KCNJ3: variants seen among roughly 807,000 people sequenced by gnomAD.
KCNJ3 encodes potassium inwardly rectifying channel subfamily J member 3.
A neutral mutation model predicts 39.2 loss-of-function variants in KCNJ3; 4 were observed. The observed-to-expected ratio is 0.10, with a 90% CI of 0.05 to 0.23. The LOEUF is 0.23. Ranked by LOEUF, KCNJ3 falls within the 10% of genes least tolerant of loss-of-function variation. KCNJ3 has a pLI of 1.00. For missense variants in KCNJ3, 276 were observed against 634.9 expected, an observed-to-expected ratio of 0.43 and a Z score of 6.08; for synonymous variants, 230 against 237.4, an observed-to-expected ratio of 0.97 and a Z score of 0.29.
At chr2:154,714,554 T>C (rs1685152376) in intron 2 of KCNJ3, among the ~76,000 whole-genome samples, 1 of 152,200 alleles carries the variant, frequency 6.6e-6, no homozygotes, top group African/African-American at 2.4e-5. Context: ...TATGGTCTTC[T>C]ATTTGTTATT....
chr2:154,830,638 T>C (rs1444400641), intron 2 of KCNJ3, among the ~76,000 whole-genome samples: 3 of 152,138 alleles, frequency 2.0e-5, no homozygotes, highest in Non-Finnish European at 4.4e-5. Context: ...ATATAGAAAC[T>C]TGAGACTTGA....
intron 2 of KCNJ3, among the ~76,000 whole-genome samples, chr2:154,732,587 G>C (rs1356803052): frequency 6.6e-6 from 1 of 151,894 alleles, no homozygotes; most frequent in East Asian, 1.9e-4. Context: ...TCTGCTGATA[G>C]GTAATGCTAG....
chr2:154,717,821 T>A (rs1236913904), intron 2 of KCNJ3, among the ~76,000 whole-genome samples: 1 of 152,190 alleles, frequency 6.6e-6, no homozygotes, highest in East Asian at 1.9e-4. Flanking sequence ...TTTAGCTTTA[T>A]TAATTATAAT....
intron 2 of KCNJ3, among the ~76,000 whole-genome samples, chr2:154,725,176 G>C (rs1189912234): frequency 6.0e-5 from 9 of 150,296 alleles, no homozygotes; most frequent in Non-Finnish European, 1.2e-4. Flanking sequence ...ATTGTTACTG[G>C]TTTTGATCAC....
At chr2:154,782,346 T>G (rs182080213) in intron 2 of KCNJ3, among the ~76,000 whole-genome samples, 1 of 152,292 alleles carries the variant, frequency 6.6e-6, no homozygotes, top group Non-Finnish European at 1.5e-5. Flanking sequence ...TTAAATGAGT[T>G]AATACATTTA....
chr2:154,783,300 T>C (rs957472860), intron 2 of KCNJ3, among the ~76,000 whole-genome samples: 57 of 152,360 alleles, frequency 3.7e-4, no homozygotes, highest in African/African-American at 1.3e-3. Context: ...TATGTGCTTC[T>C]TCCGTGCATT....
At chr2:154,852,950 C>T (rs911862380) in intron 2 of KCNJ3, among the ~76,000 whole-genome samples, 3 of 151,556 alleles carry the variant, frequency 2.0e-5, no homozygotes, top group South Asian at 2.1e-4. Flanking sequence ...AGAGACATTA[C>T]GGCAAAGTAA....
intron 2 of KCNJ3, among the ~76,000 whole-genome samples, chr2:154,838,102 G>A (rs1444868595): frequency 2.6e-5 from 4 of 152,176 alleles, no homozygotes; most frequent in South Asian, 2.1e-4. Flanking sequence ...GCATGTTTGT[G>A]TGTGTGACAA....
intron 1 of KCNJ3, among the ~76,000 whole-genome samples, chr2:154,707,096 T>C (rs1331867057): frequency 6.6e-6 from 1 of 152,128 alleles, no homozygotes. Context: ...GGTTAAATTA[T>C]ATAGTATCCA....
At chr2:154,807,563 G>A (rs1349174064) in intron 2 of KCNJ3, among the ~76,000 whole-genome samples, 4 of 152,146 alleles carry the variant, frequency 2.6e-5, no homozygotes, top group Non-Finnish European at 5.9e-5. Context: ...CTACCAGGTG[G>A]CATTTATCTA....
intron 2 of KCNJ3, among the ~76,000 whole-genome samples, chr2:154,723,706 G>T (rs565301626): frequency 3.9e-5 from 6 of 152,180 alleles, no homozygotes; most frequent in African/African-American, 1.4e-4. Flanking sequence ...CATTAATGGG[G>T]TAAGTACATT....
chr2:154,772,266 A>G (rs538029458), intron 2 of KCNJ3, among the ~76,000 whole-genome samples: 3 of 152,300 alleles, frequency 2.0e-5, no homozygotes, highest in African/African-American at 7.2e-5. Flanking sequence ...TATTTTACAT[A>G]GTGAATATTG....
chr2:154,840,577 A>G (rs62170840), intron 2 of KCNJ3, among the ~76,000 whole-genome samples: 46 of 152,160 alleles, frequency 3.0e-4, no homozygotes, highest in Admixed American at 1.2e-3. Context: ...AGCATGGAAT[A>G]TTCTTCCATT....
rs952136308 is a variant in KCNJ3 at position 154,736,171 on chromosome 2, A to G, written c.919+26352A>G. ...TCTCTTGTCATTGTAAATTATATAC[A>G]GTTTTTCTAAGTTTGTCATACATTG... On this transcript the variant is annotated intron_variant, in intron 2 of 2. Coordinates refer to ENST00000295101, the MANE Select transcript of KCNJ3 (RefSeq NM_002239.4). Among the ~76,000 whole-genome samples, 4 of 151,892 alleles carry G rather than the reference A, an allele frequency of 2.6e-5. 1 individual carries two copies. The highest frequency in any genetic ancestry group is 5.9e-5 in the Non-Finnish European group (4 of 67,978).
intron 2 of KCNJ3, among the ~76,000 whole-genome samples, chr2:154,804,842 C>T (rs1686882539): frequency 6.6e-6 from 1 of 152,112 alleles, no homozygotes; most frequent in African/African-American, 2.4e-5. Flanking sequence ...ACTTTGTAAA[C>T]ATTAAACAAA....
At chr2:154,736,192 C>A (rs1201709022) in intron 2 of KCNJ3, among the ~76,000 whole-genome samples, 1 of 151,774 alleles carries the variant, frequency 6.6e-6, no homozygotes, top group Non-Finnish European at 1.5e-5. Flanking sequence ...GTTTGTCATA[C>A]ATTGATTGGT....
intron 2 of KCNJ3, among the ~76,000 whole-genome samples, chr2:154,803,829 T>C (rs1686862884): frequency 6.6e-6 from 1 of 152,008 alleles, no homozygotes; most frequent in Non-Finnish European, 1.5e-5. Context: ...TAATATAAAA[T>C]GAGTAACGCT....
At chr2:154,723,435 TG>T (rs1207652868) in intron 2 of KCNJ3, among the ~76,000 whole-genome samples, 2 of 152,122 alleles carry the variant, frequency 1.3e-5, no homozygotes, top group Non-Finnish European at 2.9e-5. Flanking sequence ...TGTGGATAGC[TG>T]AGAGAGCCAG....
intron 2 of KCNJ3, among the ~76,000 whole-genome samples, chr2:154,741,982 T>C (rs1218252851): frequency 6.6e-6 from 1 of 151,794 alleles, no homozygotes; most frequent in African/African-American, 2.4e-5. Flanking sequence ...TCCCTCTCTA[T>C]AATTCTTTTC....
Sources: gnomAD v4.1 joint callset for allele counts (sites outside exome capture counted in the v4.1 genomes callset) on GRCh38, gnomAD v4.1.1 for gene constraint, MANE v1.5 for transcripts, NCBI Gene and HGNC (gene_info 2026-07-23, HGNC 2026-07-21) for gene names.